Variants in SAMD9L observed in about 807,000 individuals in gnomAD.
The protein encoded by SAMD9L is sterile alpha motif domain containing 9 like, also known as sterile alpha motif domain-containing protein 9-like.
SAMD9L carries 68 observed loss-of-function variants against 90.7 expected under a neutral mutation model. The observed-to-expected ratio is 0.75, with a 90% CI of 0.62 to 0.92. SAMD9L has a LOEUF of 0.92. Among genes scored for constraint, SAMD9L ranks in the 40% least tolerant of loss-of-function variants. SAMD9L has a pLI of 0.00. For missense variants in SAMD9L, 1,604 were observed against 1,824.3 expected (o/e 0.88, Z 2.20); for synonymous variants, 640 against 630.1 (o/e 1.02, Z -0.23).
chr7:93,140,802 A>G (rs1173730256), intron 4 of SAMD9L, among the ~76,000 whole-genome samples: 1 of 152,158 alleles, frequency 6.6e-6, no homozygotes, highest in Non-Finnish European at 1.5e-5. Context: ...CCTCTCACCT[A>G]TTCAGGAAGT....
chr7:93,143,030 C>A (rs1460897144), intron 4 of SAMD9L, among the ~76,000 whole-genome samples: 1 of 152,186 alleles, frequency 6.6e-6, no homozygotes, highest in East Asian at 1.9e-4. Context: ...ACTGTGTTTG[C>A]CGGGTGGTTG....
intron 4 of SAMD9L, among the ~76,000 whole-genome samples, chr7:93,143,438 A>G (rs1172787648): frequency 2.0e-5 from 3 of 151,656 alleles, no homozygotes; most frequent in African/African-American, 7.3e-5. Flanking sequence ...TGCTTTAATC[A>G]CTCTTTTATT....
At position 93,133,206 on chromosome 7, in the gene SAMD9L, A is replaced by G. The variant is rs1792224408; in HGVS notation, c.2766T>C (p.Ile922=). 2 of 1,613,506 alleles carry G rather than the reference A, an allele frequency of 1.2e-6. No individual in the cohort carries two copies. Among genetic ancestry groups the G allele is most frequent in the African/African-American group, 2.7e-5 (2 of 75,032 alleles). ...AAGAGCTGAGTAAAGCCAGGAAGGA[A>G]ATGAGTTGTGCTTCCTTGCTGTCAA... The part of the protein sequence containing the change: ...QDVDSKEAQL[I]SFLALLSSYV... The change falls in exon 5 of 5, where the codon ATT becomes ATC. Residue 922 remains isoleucine, a synonymous_variant. Transcript: ENST00000318238.
In SAMD9L at chr7:93,135,927, G is replaced by T. The variant is rs1482617071; in HGVS notation, c.45C>A (p.Thr15=). Residue 15 remains threonine, a synonymous_variant, in exon 5 of 5, where the codon ACC becomes ACA. Coordinates refer to ENST00000318238, the MANE Select transcript of SAMD9L (RefSeq NM_152703.5). ...VSLPEMIKDW[T]KEHVKKWVNE... is the part of the protein sequence containing the mutation. The stretch of plus-strand genomic sequence containing the variant: ...TTACCCATTTTTTCACATGCTCTTT[G>T]GTCCAGTCTTTAATCATTTCAGGTA... 5 of 1,608,380 alleles carry T rather than the reference G, an allele frequency of 3.1e-6. No homozygotes were observed. The highest frequency in any genetic ancestry group is 1.3e-5 in the African/African-American group (1 of 74,500).
intron 4 of SAMD9L, among the ~76,000 whole-genome samples, chr7:93,144,160 C>T (rs1792800250): frequency 6.6e-6 from 1 of 152,142 alleles, no homozygotes; most frequent in Admixed American, 6.5e-5. Context: ...CTGTATCTAA[C>T]ATGGATAAAG....
In SAMD9L at chr7:93,132,598, T is replaced by G; in HGVS notation, c.3374A>C (p.Gln1125Pro). ...CCATTTGATTTCACTTTTGTAGACT[T>G]GACCTAGTGTATCTGAAATATAGGA... ...KNSYISDTLGQVYKSEIKWWL... is the reference protein window; with the variant it reads ...KNSYISDTLGPVYKSEIKWWL... Residue 1125 changes from glutamine (Q) to proline (P), a missense_variant, in exon 5 of 5, where the codon CAA becomes CCA. By Grantham distance (76) the Gln-to-Pro change is moderately conservative (BLOSUM62 -1). Transcript: ENST00000318238. 1 of 1,613,772 alleles carries G rather than the reference T, an allele frequency of 6.2e-7. No homozygotes were observed. Among genetic ancestry groups the G allele is most frequent in the Non-Finnish European group, 8.5e-7 (1 of 1,179,806 alleles).
chr7:93,137,175 T>C (rs1358902041), intron 4 of SAMD9L, among the ~76,000 whole-genome samples: 1 of 152,188 alleles, frequency 6.6e-6, no homozygotes, highest in Non-Finnish European at 1.5e-5. Flanking sequence ...TCTCCAAATC[T>C]GGGGACCTGG....
At position 93,133,704 on chromosome 7, in the gene SAMD9L, C is replaced by T. The variant is rs755008828; in HGVS notation, c.2268G>A (p.Trp756Ter). 1 of 1,613,274 alleles carries T rather than the reference C, an allele frequency of 6.2e-7. No homozygotes were observed. The highest frequency in any genetic ancestry group is 8.5e-7 in the Non-Finnish European group (1 of 1,179,796). The change falls in exon 5 of 5, where the codon TGG becomes TGA. Residue 756 changes from tryptophan to a stop codon, truncating the protein, a stop_gained. Coordinates refer to ENST00000318238, the MANE Select transcript of SAMD9L (RefSeq NM_152703.5). LOFTEE classifies it high-confidence loss of function. Reference protein sequence around the residue: ...GGTTLAMHVLWDLKKNFRCAV... With the variant: ...GGTTLAMHVL ...CACATCTGAAGTTTTTCTTTAAGTC[C>T]CAGAGAACATGCATAGCCAGTGTGG...
At chr7:93,144,547 T>C (rs887958229) in intron 4 of SAMD9L, among the ~76,000 whole-genome samples, 185 bp downstream of exon 4, 6 of 152,202 alleles carry the variant, frequency 3.9e-5, no homozygotes, top group African/African-American at 1.4e-4. Context: ...ATGTACAGGT[T>C]TTGGTATCTG....
chr7:93,138,681 A>G (rs1792556968), intron 4 of SAMD9L, among the ~76,000 whole-genome samples: 1 of 152,182 alleles, frequency 6.6e-6, no homozygotes, highest in Admixed American at 6.5e-5. Context: ...TAGTGGGTCT[A>G]AGGGGTATGA....
rs768334845 is a variant in SAMD9L, at chr7:93,134,780, GC to G, written c.1191del (p.Lys397AsnfsTer7). The G allele has an allele frequency of 3.1e-6, 5 of 1,613,230 alleles. No individual in the cohort carries two copies. The highest frequency in any genetic ancestry group is 4.2e-6 in the Non-Finnish European group (5 of 1,179,844). ...CGGTTTCCTATGAGAAGTTTAACCA[GC>G]TTTAGTCCTTCACTCTCCTTCTTCA... ...KAMKKESEGLKLVKLLIGNRD... is the reference protein window; with the variant it reads ...KAMKKESEGLXLVKLLIGNRD... On this transcript the variant is annotated frameshift_variant, in exon 5 of 5. Transcript: ENST00000318238. LOFTEE classifies it low-confidence loss of function (END_TRUNC).
Position 93,132,038 on chromosome 7 carries a change from G to A in SAMD9L, c.3934C>T (p.Pro1312Ser). Residue 1312 changes from proline (P) to serine (S), a missense_variant, in exon 5 of 5, where the codon CCA becomes TCA. Physicochemically the swap from Pro to Ser is moderately conservative, Grantham distance 74. Transcript: ENST00000318238. ...CTCTCTTTACTTTGTAATAGACATG[G>A]ATCCAAATGACAGAAAAGTTCTGTG... ...KYTELFCHLD[P>S]CLLQSKESQL... The A allele has an allele frequency of 6.2e-7, 1 of 1,613,500 alleles. No homozygotes were observed. Among genetic ancestry groups the A allele is most frequent in the Non-Finnish European group, 8.5e-7 (1 of 1,179,712 alleles).
chr7:93,143,905 A>T (rs1474923155), intron 4 of SAMD9L, among the ~76,000 whole-genome samples: 1 of 152,228 alleles, frequency 6.6e-6, no homozygotes, highest in South Asian at 2.1e-4. Context: ...TGTGACTTAA[A>T]CCTTACACCC....
In SAMD9L at chr7:93,134,118, G is replaced by A. The variant is rs1347879583; in HGVS notation, c.1854C>T (p.Asn618=). 4 of 1,613,836 alleles carry A rather than the reference G, an allele frequency of 2.5e-6. No homozygotes were observed. Among genetic ancestry groups the A allele is most frequent in the Admixed American group, 1.7e-5 (1 of 59,998 alleles). ...SISTLNIELV[N]STILKLKSVT... Reference sequence around the variant, plus strand: ...CCGATTTTAGTTTAAGGATAGTGCTGTTTACCAGTTCTATATTTAAAGTGG... The same window carrying A: ...CCGATTTTAGTTTAAGGATAGTGCTATTTACCAGTTCTATATTTAAAGTGG... The change falls in exon 5 of 5, where the codon AAC becomes AAT. Residue 618 remains asparagine (N), a synonymous_variant. Coordinates refer to ENST00000318238, the MANE Select transcript of SAMD9L (RefSeq NM_152703.5).
intron 4 of SAMD9L, among the ~76,000 whole-genome samples, chr7:93,136,367 T>C (rs1470226757): frequency 1.3e-5 from 2 of 152,204 alleles, no homozygotes; most frequent in East Asian, 1.9e-4. Flanking sequence ...AAATAAACTT[T>C]AAAATAATGA....
Position 93,145,911 on chromosome 7 carries a change from G to C in SAMD9L, c.-649C>G, listed in dbSNP as rs1792873447. 1 of 152,078 alleles carries C rather than the reference G, an allele frequency of 6.6e-6. No homozygotes were observed. Among genetic ancestry groups the C allele is most frequent in the Non-Finnish European group, 1.5e-5 (1 of 68,024 alleles). The allele number at this position is 152,078 out of a possible 1,614,324, so 9.4% of individuals were successfully genotyped here. A position where few individuals can be genotyped will look rare whatever the true frequency, so the allele number is the denominator to read the frequency against. ...AAATATACCCAGCATTTGACTACCT[G>C]ACACCACTACCACCTGGTCCAAGCC... On this transcript the variant is annotated 5_prime_UTR_variant, in exon 3 of 5. Coordinates refer to ENST00000318238, the MANE Select transcript of SAMD9L (RefSeq NM_152703.5).
rs758763574 is a variant in SAMD9L, at chr7:93,135,381, A to G, written c.591T>C (p.His197=). The G allele has an allele frequency of 6.2e-7, 1 of 1,614,126 alleles. No individual in the cohort carries two copies. The highest frequency in any genetic ancestry group is 8.5e-7 in the Non-Finnish European group (1 of 1,179,986). The change falls in exon 5 of 5, where the codon CAT becomes CAC. Residue 197 remains histidine, a synonymous_variant. Coordinates refer to ENST00000318238, the MANE Select transcript of SAMD9L (RefSeq NM_152703.5). The part of the protein sequence containing the change: ...TGALNLIDPI[H]EFKALTNTET... ...CTGTGTTTGTGAGAGCTTTGAACTC[A>G]TGTATTGGATCAATGAGATTGAGTG...
At chr7:93,147,492 C>G (rs1271504360) in intron 1 of SAMD9L, among the ~76,000 whole-genome samples, 1 of 152,184 alleles carries the variant, frequency 6.6e-6, no homozygotes, top group Non-Finnish European at 1.5e-5. Flanking sequence ...CTTTGAGAGA[C>G]CCTCAGCAAC....
rs1467396353 is a variant in SAMD9L at position 93,131,257 on chromosome 7, GA to G, written c.4714del (p.Ser1572ProfsTer10). ...ATCATATGCCAGAGGGCCTTCAATG[GA>G]AAATCCTAGGTAGAAAGACACTCTT... ...IERVSFYLGFSIEGPLAYDIE... is the reference protein window; with the variant it reads ...IERVSFYLGFXIEGPLAYDIE... On this transcript the variant is annotated frameshift_variant, in exon 5 of 5. Transcript: ENST00000318238. LOFTEE classifies it high-confidence loss of function. 3 of 1,587,996 alleles carry G rather than the reference GA, an allele frequency of 1.9e-6. No homozygotes were observed. In the South Asian group the frequency reaches 3.5e-5, roughly 18 times the overall value.
Sources: allele counts gnomAD v4.1 joint callset (sites outside exome capture counted in the v4.1 genomes callset), GRCh38; gene constraint gnomAD v4.1.1; transcripts MANE v1.5; gene names NCBI Gene and HGNC (gene_info 2026-07-23, HGNC 2026-07-21).